DZIP3: variants seen among roughly 807,000 people sequenced by gnomAD.
The protein encoded by DZIP3 is DAZ interacting zinc finger protein 3.
In DZIP3, 118 loss-of-function variants were observed where a neutral mutation model predicts 162.0. The observed-to-expected ratio is 0.73, with a 90% CI of 0.63 to 0.85. The LOEUF (loss-of-function observed/expected upper bound fraction) is 0.85. DZIP3 is among the 40% of genes least tolerant of loss of function. The pLI is 0.00. For synonymous variants in DZIP3, 438 were observed against 458.6 expected (o/e 0.96, Z 0.57); for missense variants, 1,331 against 1,407.0 (o/e 0.95, Z 0.86).
intron 31 of DZIP3, 54 bp from the exon 32 acceptor site, chr3:108,690,733 C>T: frequency 6.6e-7 from 1 of 1,520,600 alleles, no homozygotes; most frequent in Non-Finnish European, 9.1e-7. Flanking sequence ...AGAGTGACAA[C>T]TGCCTCTGCT....
chr3:108,665,981 T>C (rs1373955802), intron 21 of DZIP3, among the ~76,000 whole-genome samples: 1 of 152,080 alleles, frequency 6.6e-6, no homozygotes, highest in African/African-American at 2.4e-5. Context: ...CTCTAAACTT[T>C]AAAAATATAT....
intron 21 of DZIP3, among the ~76,000 whole-genome samples, chr3:108,666,671 A>G (rs1335912120): frequency 1.3e-5 from 2 of 152,174 alleles, no homozygotes; most frequent in African/African-American, 4.8e-5. Flanking sequence ...AACAAATTTA[A>G]GAGTTGAAAT....
At chr3:108,663,183 T>G (rs1943519367) in intron 21 of DZIP3, among the ~76,000 whole-genome samples, 3 of 152,190 alleles carry the variant, frequency 2.0e-5, no homozygotes, top group African/African-American at 7.2e-5. Context: ...TGACTAGAGT[T>G]AGAGAGATCC....
In DZIP3 at chr3:108,634,862, T is replaced by A; in HGVS notation, c.817-9T>A. On this transcript the variant is annotated splice_polypyrimidine_tract_variant and intron_variant, in intron 9 of 32. Transcript: ENST00000361582. The stretch of plus-strand genomic sequence containing the variant: ...TCCTTATTGATAACTTACTTTTATT[T>A]TTTTCCAGGGATTTTTTCAGTTAAT... 6.3e-7 allele frequency: 1 copy of A among 1,588,364 alleles called. No homozygotes were observed. Among genetic ancestry groups the A allele is most frequent in the South Asian group, 1.1e-5 (1 of 87,916 alleles).
chr3:108,668,964 C>T (rs1487553246), intron 21 of DZIP3, among the ~76,000 whole-genome samples: 1 of 151,894 alleles, frequency 6.6e-6, no homozygotes, highest in Non-Finnish European at 1.5e-5. Flanking sequence ...TATGTAAAAG[C>T]TTGCTTGTGA....
intron 8 of DZIP3, among the ~76,000 whole-genome samples, chr3:108,631,843 G>C (rs2966564): frequency 0.33 from 49,984 of 151,260 alleles, 8,572 homozygotes; most frequent in Middle Eastern, 0.38. Flanking sequence ...TTCTGAACTT[G>C]TGTTTTTTGC....
intron 1 of DZIP3, among the ~76,000 whole-genome samples, chr3:108,604,032 A>G (rs1438380505): frequency 6.6e-6 from 1 of 152,154 alleles, no homozygotes; most frequent in Admixed American, 6.6e-5. Flanking sequence ...TTCTTTGAGT[A>G]AACACAATCT....
chr3:108,688,886 C>CT lies in DZIP3; in HGVS notation c.3481dup (p.Ser1161PhefsTer15). The CT allele has an allele frequency of 6.2e-7, 1 of 1,614,190 alleles. No homozygotes were observed. The highest frequency in any genetic ancestry group is 8.5e-7 in the Non-Finnish European group (1 of 1,180,022). On this transcript the variant is annotated frameshift_variant, in exon 31 of 33. Coordinates refer to ENST00000361582, the MANE Select transcript of DZIP3 (RefSeq NM_014648.4). LOFTEE classifies it high-confidence loss of function. ...TCATGAGAATCTGTCTCCAGAAAAT[C>CT]TTTCAGTTTTGCCTTGCGCTCACAA...
intron 19 of DZIP3, among the ~76,000 whole-genome samples, chr3:108,658,350 T>C (rs1459500616): frequency 1.3e-5 from 2 of 151,826 alleles, no homozygotes; most frequent in Non-Finnish European, 2.9e-5. Context: ...TCAAAACCGC[T>C]CAACTACATG....
chr3:108,663,122 GC>G (rs1051207065), intron 21 of DZIP3, among the ~76,000 whole-genome samples: 4 of 152,168 alleles, frequency 2.6e-5, no homozygotes, highest in Non-Finnish European at 4.4e-5. Context: ...AGAACTAGGT[GC>G]CATAGTTCTG....
rs1020267234 is a variant in DZIP3, at chr3:108,678,788, C to T, written c.2883+1190C>T. Among the ~76,000 whole-genome samples the T allele has an allele frequency of 3.3e-5, 5 of 151,956 alleles. 1 individual carries two copies. The highest frequency in any genetic ancestry group is 2.6e-4 in the Admixed American group (4 of 15,226). On this transcript the variant is annotated intron_variant, in intron 26 of 32. Transcript: ENST00000361582. ...ATGTGGGGACAGATGACTTTGATAT[C>T]ACCACTCCTGCTTATAATAGAAACC...
intron 29 of DZIP3, among the ~76,000 whole-genome samples, 163 bp downstream of exon 29, chr3:108,688,259 C>G (rs895612631): frequency 2.0e-5 from 3 of 152,102 alleles, no homozygotes; most frequent in Admixed American, 6.5e-5. Flanking sequence ...CAAATGATAT[C>G]AGAAGTCTTT....
chr3:108,665,266 G>A (rs1943620166), intron 21 of DZIP3, among the ~76,000 whole-genome samples: 1 of 152,038 alleles, frequency 6.6e-6, no homozygotes, highest in Admixed American at 6.6e-5. Context: ...TCTCAGTAAG[G>A]AAATAAGTTA....
At chr3:108,607,719 C>G (rs184365198) in intron 2 of DZIP3, among the ~76,000 whole-genome samples, 28 of 152,270 alleles carry the variant, frequency 1.8e-4, no homozygotes, top group Non-Finnish European at 1.0e-4. Flanking sequence ...AGATAGATCT[C>G]TCCCTAACCT....
intron 4 of DZIP3, among the ~76,000 whole-genome samples, chr3:108,614,105 A>G (rs977750930): frequency 6.6e-6 from 1 of 152,222 alleles, no homozygotes; most frequent in Non-Finnish European, 1.5e-5. Flanking sequence ...AAAGCACTTG[A>G]AAAGGAAGTA....
chr3:108,662,170 A>T lies in DZIP3; in HGVS notation c.2336A>T (p.Gln779Leu). Residue 779 changes from glutamine to leucine, a missense_variant, in exon 21 of 33, where the codon CAA (glutamine) becomes CTA (leucine). This residue lies in a region of DZIP3 where 1,278 missense variants were observed against 1,317.1 expected (regional missense o/e 0.97). Coordinates refer to ENST00000361582, the MANE Select transcript of DZIP3 (RefSeq NM_014648.4). ...TTGAGAACAGTGACTTTTCGGTGGC[A>T]AGAAAACCAAATGCAGATTAAAAAG... ...RQLRTVTFRW[Q>L]ENQMQIKKKD... 6.2e-7 allele frequency: 1 copy of T among 1,607,944 alleles called. No homozygotes were observed. Among genetic ancestry groups the T allele is most frequent in the Admixed American group, 1.7e-5 (1 of 58,280 alleles).
At chr3:108,659,178 A>T (rs911355600) in intron 19 of DZIP3, among the ~76,000 whole-genome samples, 5 of 152,218 alleles carry the variant, frequency 3.3e-5, no homozygotes, top group African/African-American at 1.2e-4. Flanking sequence ...AGCCGGGCAG[A>T]GACATAACAA....
At chr3:108,667,281 T>C (rs1253997446) in intron 21 of DZIP3, among the ~76,000 whole-genome samples, 1 of 152,026 alleles carries the variant, frequency 6.6e-6, no homozygotes, top group Non-Finnish European at 1.5e-5. Context: ...ACTGACAATA[T>C]AAAAGACATA....
intron 3 of DZIP3, 117 bp downstream of exon 3, chr3:108,608,275 A>G: frequency 1.4e-6 from 1 of 719,728 alleles, no homozygotes. Context: ...GAGTGAGCCT[A>G]CTTTCCTACC....
Sources: allele counts gnomAD v4.1 joint callset (sites outside exome capture counted in the v4.1 genomes callset), GRCh38; gene constraint gnomAD v4.1.1; regional missense constraint gnomAD v4.1.1; transcripts MANE v1.5; gene names NCBI Gene and HGNC (gene_info 2026-07-23, HGNC 2026-07-21).